MAP3K13: variants seen among roughly 807,000 people sequenced by gnomAD.
MAP3K13 encodes mitogen-activated protein kinase kinase kinase 13.
In MAP3K13, 52 loss-of-function variants were observed where a neutral mutation model predicts 104.0. The ratio of observed to expected loss-of-function variants is 0.50; its 90% confidence interval spans 0.40 to 0.63. The LOEUF (loss-of-function observed/expected upper bound fraction) is 0.63. Ranked by LOEUF, MAP3K13 falls within the 20% of genes least tolerant of loss-of-function variation. The pLI, the probability that MAP3K13 is intolerant of heterozygous loss-of-function variation, is 0.00. For synonymous variants in MAP3K13, 394 were observed against 442.2 expected (o/e 0.89, Z 1.37); for missense variants, 914 against 1,218.5 (o/e 0.75, Z 3.72).
intron 13 of MAP3K13, among the ~76,000 whole-genome samples, chr3:185,481,916 C>T (rs538479599): frequency 6.6e-6 from 1 of 152,204 alleles, no homozygotes; most frequent in Non-Finnish European, 1.5e-5. Flanking sequence ...AACCCTGTCT[C>T]TACTAAAAAT....
chr3:185,468,553 G>C (rs1156472815), intron 10 of MAP3K13, among the ~76,000 whole-genome samples: 2 of 152,080 alleles, frequency 1.3e-5, no homozygotes, highest in African/African-American at 4.8e-5. Context: ...CTAAACCTAG[G>C]GTATAGACCT....
intron 2 of MAP3K13, among the ~76,000 whole-genome samples, chr3:185,324,165 C>T (rs1397512161): frequency 6.6e-6 from 1 of 152,064 alleles, no homozygotes; most frequent in African/African-American, 2.4e-5. Context: ...CACCCGCCAC[C>T]ACGCCCGGCT....
At chr3:185,447,195 G>C (rs936790318) in intron 4 of MAP3K13, among the ~76,000 whole-genome samples, 4 of 152,124 alleles carry the variant, frequency 2.6e-5, no homozygotes, top group Non-Finnish European at 5.9e-5. Flanking sequence ...AACTGGCTTA[G>C]AAGAGTTAAG....
intron 2 of MAP3K13, among the ~76,000 whole-genome samples, chr3:185,295,908 C>T (rs1720904138): frequency 6.6e-6 from 1 of 152,140 alleles, no homozygotes; most frequent in Non-Finnish European, 1.5e-5. Context: ...TTAGATATTT[C>T]AGTACTGTAA....
At position 185,328,080 on chromosome 3, in the gene MAP3K13, G is replaced by A. The variant is rs1285093873; in HGVS notation, c.-86+42437G>A. Among the ~76,000 whole-genome samples, 3 of 152,240 alleles carry A rather than the reference G, an allele frequency of 2.0e-5. No homozygotes were observed. In the East Asian group the frequency reaches 5.8e-4, roughly 29 times the overall value. On this transcript the variant is annotated intron_variant, in intron 2 of 14. Transcript: ENST00000424227. ...GAAGCTTAGGAATGTGGCAAGAGAT[G>A]AAGCAGTATCATATTTTATCTTGCA...
At chr3:185,292,838 T>C (rs1240286805) in intron 2 of MAP3K13, 24 of 983,434 alleles carry the variant, frequency 2.4e-5, no homozygotes, top group Non-Finnish European at 2.8e-5. Context: ...AATTATAGCT[T>C]AGCATTGTCA....
At chr3:185,288,520 A>G (rs372289964) in intron 2 of MAP3K13, among the ~76,000 whole-genome samples, 74 of 7,908 alleles carry the variant, frequency 9.4e-3, no homozygotes, top group African/African-American at 0.018. Context: ...AAAAGAGAAT[A>G]TGTGTGTGTG....
chr3:185,302,676 T>C (rs1164571571), intron 2 of MAP3K13, among the ~76,000 whole-genome samples: 2 of 152,230 alleles, frequency 1.3e-5, no homozygotes, highest in Non-Finnish European at 2.9e-5. Context: ...TTTTTGTGTT[T>C]TGTATTCTGA....
chr3:185,311,953 A>T (rs1446762808), intron 2 of MAP3K13, among the ~76,000 whole-genome samples: 1 of 152,248 alleles, frequency 6.6e-6, no homozygotes, highest in African/African-American at 2.4e-5. Flanking sequence ...GTATCAACAT[A>T]GATCAGTCTC....
intron 2 of MAP3K13, among the ~76,000 whole-genome samples, chr3:185,334,176 A>G (rs905659799): frequency 6.6e-6 from 1 of 152,252 alleles, no homozygotes; most frequent in African/African-American, 2.4e-5. Context: ...CAACTCAGAA[A>G]TAGAAAGTGC....
chr3:185,336,310 G>A (rs1722497630), intron 2 of MAP3K13, among the ~76,000 whole-genome samples: 1 of 152,142 alleles, frequency 6.6e-6, no homozygotes, highest in Non-Finnish European at 1.5e-5. Flanking sequence ...GGGAGGCTGA[G>A]GTGGGCAGAT....
chr3:185,482,536 C>G lies in MAP3K13; in HGVS notation c.*80C>G. 1 of 1,043,812 alleles carries G rather than the reference C, an allele frequency of 9.6e-7. No homozygotes were observed. The highest frequency in any genetic ancestry group is 1.5e-6 in the Non-Finnish European group (1 of 680,164). The allele number at this position is 1,043,812 out of a possible 1,614,324, so 64.7% of individuals were successfully genotyped here. Reference sequence around the variant, plus strand: ...CCCACCCCCAGACTCATCCCACTCTCTCCCAGCATTTTGTCTGGGAAGAGA... The same window carrying G: ...CCCACCCCCAGACTCATCCCACTCTGTCCCAGCATTTTGTCTGGGAAGAGA... On this transcript the variant is annotated 3_prime_UTR_variant, in exon 14 of 14. Coordinates refer to ENST00000265026, the MANE Select transcript of MAP3K13 (RefSeq NM_004721.5). The surrounding 1 kb of genome is among the most constrained non-coding windows in gnomAD (Gnocchi z 4.5).
At chr3:185,413,469 G>A (rs1056837992) in intron 1 of MAP3K13, among the ~76,000 whole-genome samples, 8 of 152,170 alleles carry the variant, frequency 5.3e-5, no homozygotes, top group Non-Finnish European at 1.2e-4. Context: ...AAAGTTAAAT[G>A]ACTACGTATA....
chr3:185,411,329 T>A (rs961882896), intron 1 of MAP3K13, among the ~76,000 whole-genome samples: 2 of 152,194 alleles, frequency 1.3e-5, no homozygotes, highest in Non-Finnish European at 2.9e-5. Flanking sequence ...AACCTCACAG[T>A]TTACTCATAT....
chr3:185,307,544 C>CCCCG (rs1347897868), intron 2 of MAP3K13, among the ~76,000 whole-genome samples: 1 of 42,490 alleles, frequency 2.4e-5, no homozygotes, highest in African/African-American at 7.2e-5. Flanking sequence ...GTGCACCACC[C>CCCCG]CCTCCCCCGC....
chr3:185,378,003 GGGT>G (rs1724518185), intron 1 of MAP3K13, among the ~76,000 whole-genome samples: 8 of 152,120 alleles, frequency 5.3e-5, no homozygotes, highest in Non-Finnish European at 1.2e-4. Flanking sequence ...CAAGCTCCTG[GGGT>G]GGGGGGAGGT....
At chr3:185,471,522 C>T (rs147637493) in intron 10 of MAP3K13, among the ~76,000 whole-genome samples, 1,537 of 142,174 alleles carry the variant, frequency 0.011, 28 homozygotes, top group African/African-American at 0.038. Context: ...TGCAGTGGCA[C>T]GATCTCAGCT....
intron 11 of MAP3K13, among the ~76,000 whole-genome samples, chr3:185,475,054 A>C (rs1256761622): frequency 6.7e-6 from 1 of 148,400 alleles, no homozygotes; most frequent in African/African-American, 2.5e-5. Context: ...AGATCCCGCC[A>C]CTGCACTCCA....
chr3:185,307,802 A>G (rs1577410090), intron 2 of MAP3K13, among the ~76,000 whole-genome samples: 1 of 152,130 alleles, frequency 6.6e-6, no homozygotes, highest in Non-Finnish European at 1.5e-5. Context: ...TCGGCCTCCC[A>G]AAGTGCTGGG....
Sources: allele counts gnomAD v4.1 joint callset (sites outside exome capture counted in the v4.1 genomes callset), GRCh38; gene constraint gnomAD v4.1.1; non-coding constraint Gnocchi (gnomAD v3.1); transcripts MANE v1.5; gene names NCBI Gene and HGNC (gene_info 2026-07-23, HGNC 2026-07-21).